The following ADAMTSL1 variants were observed in gnomAD, a reference collection of about 807,000 sequenced individuals.
ADAMTSL1 encodes ADAMTS-like protein 1.
In ADAMTSL1, 126 loss-of-function variants were observed where a neutral mutation model predicts 201.8. The ratio of observed to expected loss-of-function variants is 0.62; its 90% CI spans 0.54 to 0.72. The LOEUF (loss-of-function observed/expected upper bound fraction) is 0.72. ADAMTSL1 is among the 30% of genes least tolerant of loss of function. The pLI is 0.00. For missense variants in ADAMTSL1, 2,679 were observed against 2,277.8 expected (o/e 1.18, Z -3.59); for synonymous variants, 1,121 against 903.4 (o/e 1.24, Z -4.32).
intron 20 of ADAMTSL1, among the ~76,000 whole-genome samples, chr9:18,805,422 GCA>G (rs1220625417): frequency 6.6e-6 from 1 of 152,168 alleles, no homozygotes; most frequent in Non-Finnish European, 1.5e-5. Context: ...GAAGGTCCCA[GCA>G]CTGCTCCTCA....
rs1828740554 is a variant in ADAMTSL1 at position 18,657,177 on chromosome 9, G to A, written c.835-462G>A. On this transcript the variant is annotated intron_variant, in intron 7 of 28. Coordinates refer to ENST00000380548, the MANE Select transcript of ADAMTSL1 (RefSeq NM_001040272.6). ...GAAGCCCAATATGTGTCTCTGAATG[G>A]GAAGTGTTATTTAATTCTTCAACTC... is the stretch of plus-strand genomic sequence containing the variant. Among the ~76,000 whole-genome samples the A allele has an allele frequency of 3.3e-5, 5 of 152,156 alleles. No homozygotes were observed. In the South Asian group the frequency reaches 1.0e-3, roughly 31 times the overall value.
At chr9:18,212,316 C>T (rs180918725) in intron 2 of ADAMTSL1, among the ~76,000 whole-genome samples, 20 of 152,268 alleles carry the variant, frequency 1.3e-4, no homozygotes, top group Non-Finnish European at 2.2e-4. Context: ...TGTTTGACCT[C>T]CTGGGCCAAT....
intron 2 of ADAMTSL1, among the ~76,000 whole-genome samples, chr9:18,321,257 G>A (rs561174244): frequency 6.6e-6 from 1 of 152,146 alleles, no homozygotes; most frequent in Admixed American, 6.6e-5. Context: ...GAAGACAAAA[G>A]TATCATAAAT....
At chr9:18,252,727 C>T (rs967450284) in intron 2 of ADAMTSL1, among the ~76,000 whole-genome samples, 3 of 152,070 alleles carry the variant, frequency 2.0e-5, no homozygotes, top group African/African-American at 4.8e-5. Context: ...ACTAGCAAAA[C>T]TTCAAGAGTA....
At chr9:18,018,096 A>G (rs1028587622) in intron 1 of ADAMTSL1, among the ~76,000 whole-genome samples, 6 of 152,230 alleles carry the variant, frequency 3.9e-5, no homozygotes, top group East Asian at 1.9e-4. Context: ...GAAACTACAC[A>G]TATATAGAAA....
intron 23 of ADAMTSL1, among the ~76,000 whole-genome samples, chr9:18,848,175 G>A (rs1826253429): frequency 6.6e-6 from 1 of 152,120 alleles, no homozygotes; most frequent in Admixed American, 6.6e-5. Context: ...CTAGTAAGAG[G>A]GGATCCCCAT....
intron 2 of ADAMTSL1, among the ~76,000 whole-genome samples, chr9:18,218,815 G>GT (rs1462172595): frequency 6.6e-6 from 1 of 151,802 alleles, no homozygotes; most frequent in Non-Finnish European, 1.5e-5. Flanking sequence ...TAATTCTTGT[G>GT]TAAAAACCTC....
chr9:18,880,128 T>C (rs1490927025), intron 23 of ADAMTSL1, among the ~76,000 whole-genome samples: 1 of 152,204 alleles, frequency 6.6e-6, no homozygotes, highest in Non-Finnish European at 1.5e-5. Context: ...TTGTTATTTC[T>C]ACCACATCTG....
At chr9:18,128,950 A>G (rs1306111646) in intron 1 of ADAMTSL1, among the ~76,000 whole-genome samples, 1 of 152,230 alleles carries the variant, frequency 6.6e-6, no homozygotes, top group South Asian at 2.1e-4. Context: ...TGCATGCATT[A>G]TAATAAAAAC....
chr9:18,836,157 C>T (rs1294053073), intron 23 of ADAMTSL1, among the ~76,000 whole-genome samples: 2 of 152,164 alleles, frequency 1.3e-5, no homozygotes, highest in African/African-American at 4.8e-5. Context: ...TCTGCAGCAT[C>T]ACCAGCATCT....
intron 1 of ADAMTSL1, among the ~76,000 whole-genome samples, chr9:17,982,854 AG>A (rs756539130): frequency 1.3e-5 from 2 of 151,856 alleles, no homozygotes; most frequent in Non-Finnish European, 2.9e-5. Flanking sequence ...CTTATCACCA[AG>A]ATAATGGCAG....
At chr9:18,476,391 A>C (rs2131778665) in intron 1 of ADAMTSL1, among the ~76,000 whole-genome samples, 1 of 152,316 alleles carries the variant, frequency 6.6e-6, no homozygotes, top group South Asian at 2.1e-4. Flanking sequence ...TAAATATTTA[A>C]GAACAATGAA....
intron 1 of ADAMTSL1, among the ~76,000 whole-genome samples, chr9:18,485,454 C>T (rs1352891569): frequency 6.6e-6 from 1 of 152,152 alleles, no homozygotes; most frequent in East Asian, 1.9e-4. Context: ...CAGTCTTACT[C>T]CCCAGGAAGC....
chr9:18,384,066 C>T (rs973308395), intron 2 of ADAMTSL1, among the ~76,000 whole-genome samples: 11 of 152,200 alleles, frequency 7.2e-5, no homozygotes, highest in South Asian at 2.1e-4. Context: ...TCTCACACTG[C>T]TATAAAGACA....
At chr9:18,346,985 A>G (rs1456935853) in intron 2 of ADAMTSL1, among the ~76,000 whole-genome samples, 2 of 152,286 alleles carry the variant, frequency 1.3e-5, no homozygotes, top group Non-Finnish European at 2.9e-5. Context: ...CGAGATTAAT[A>G]AAGCTATTGT....
intron 2 of ADAMTSL1, among the ~76,000 whole-genome samples, chr9:18,409,494 C>G (rs1818343087): frequency 6.6e-6 from 1 of 151,246 alleles, no homozygotes; most frequent in South Asian, 2.1e-4. Context: ...ACATTCTAAT[C>G]ATATACTTCC....
intron 1 of ADAMTSL1, among the ~76,000 whole-genome samples, chr9:18,034,749 C>T (rs1485871720): frequency 1.3e-5 from 2 of 152,088 alleles, no homozygotes; most frequent in South Asian, 4.1e-4. Context: ...CTACTGCTAC[C>T]AAGATTGTAT....
At chr9:18,021,399 C>T (rs1820475876) in intron 1 of ADAMTSL1, among the ~76,000 whole-genome samples, 1 of 151,994 alleles carries the variant, frequency 6.6e-6, no homozygotes, top group Admixed American at 6.6e-5. Flanking sequence ...TTTATTTTTC[C>T]TCTGTGGACC....
chr9:18,565,744 C>G (rs1821850148), intron 3 of ADAMTSL1, among the ~76,000 whole-genome samples: 1 of 152,160 alleles, frequency 6.6e-6, no homozygotes, highest in South Asian at 2.1e-4. Flanking sequence ...ACAGAGTTGT[C>G]TCCACGCAGA....
Sources: allele counts gnomAD v4.1 joint callset (sites outside exome capture counted in the v4.1 genomes callset), GRCh38; gene constraint gnomAD v4.1.1; transcripts MANE v1.5; gene names NCBI Gene and HGNC (gene_info 2026-07-23, HGNC 2026-07-21).